Variants in WASF1 observed in about 807,000 individuals in gnomAD.
The protein encoded by WASF1 is actin-binding protein WASF1.
A neutral mutation model predicts 50.5 loss-of-function variants in WASF1; 7 were observed. The observed-to-expected ratio is 0.14, with a 90% confidence interval of 0.08 to 0.26. WASF1 has a LOEUF of 0.26. WASF1 is among the 10% of genes least tolerant of loss of function. The probability of loss-of-function intolerance (pLI) is 1.00; values close to 1 mark genes in which losing one functional copy is unlikely to be tolerated. For synonymous variants in WASF1, 205 were observed against 244.0 expected (o/e 0.84, Z 1.49); for missense variants, 470 against 694.7 (o/e 0.68, Z 3.64).
chr6:110,168,571 A>G (rs1341113038), intron 2 of WASF1, among the ~76,000 whole-genome samples: 1 of 152,046 alleles, frequency 6.6e-6, no homozygotes, highest in Non-Finnish European at 1.5e-5. Context: ...CAAGATTCCC[A>G]CTTCAAATGA....
chr6:110,141,783 T>A (rs1583988496), intron 3 of WASF1, among the ~76,000 whole-genome samples: 1 of 152,074 alleles, frequency 6.6e-6, no homozygotes, highest in East Asian at 1.9e-4. Context: ...TTTTTTTTTT[T>A]TTCTTTGAGT....
At position 110,105,337 on chromosome 6, in the gene WASF1, T is replaced by A. The variant is rs535894199; in HGVS notation, c.713+70A>T. ...TGTTCAACAGTTTAGGACTCAAGAC[T>A]TAGAAGTACAGATACTACAAATAAA... On this transcript the variant is annotated intron_variant, in intron 8 of 10. Transcript: ENST00000392589. 1.2e-3 allele frequency: 1,707 copies of A among 1,449,484 alleles called. 1 individual carries two copies. Among genetic ancestry groups the A allele is most frequent in the Non-Finnish European group, 1.5e-3 (1,594 of 1,088,016 alleles). 89.8% of individuals were successfully genotyped at this position (1,449,484 alleles called of 1,614,324 possible).
intron 3 of WASF1, among the ~76,000 whole-genome samples, chr6:110,147,290 G>C (rs1425790744): frequency 2.0e-5 from 3 of 150,224 alleles, no homozygotes; most frequent in Non-Finnish European, 4.4e-5. Context: ...AGCTTGCAGT[G>C]AGCCGAGATC....
intron 4 of WASF1, among the ~76,000 whole-genome samples, chr6:110,121,699 A>T (rs191529284): frequency 1.1e-4 from 17 of 152,368 alleles, no homozygotes; most frequent in African/African-American, 3.8e-4. Flanking sequence ...TACCCAAAGG[A>T]TTATAAATCA....
chr6:110,162,317 T>C (rs1402756359), intron 2 of WASF1, among the ~76,000 whole-genome samples: 1 of 150,846 alleles, frequency 6.6e-6, no homozygotes, highest in African/African-American at 2.4e-5. Context: ...ACAAGCAAGA[T>C]ATAAATTAAG....
chr6:110,132,044 C>G (rs985332564), intron 3 of WASF1, among the ~76,000 whole-genome samples: 2 of 152,088 alleles, frequency 1.3e-5, no homozygotes, highest in African/African-American at 4.8e-5. Context: ...ATACATTGCT[C>G]CAACTACTTC....
intron 3 of WASF1, among the ~76,000 whole-genome samples, chr6:110,134,195 G>A (rs1774835096): frequency 6.6e-6 from 1 of 152,032 alleles, no homozygotes; most frequent in Non-Finnish European, 1.5e-5. Flanking sequence ...TGGGATTACA[G>A]GTGTATGCCA....
chr6:110,132,389 A>G (rs560651748), intron 3 of WASF1, among the ~76,000 whole-genome samples: 2 of 151,866 alleles, frequency 1.3e-5, no homozygotes, highest in Admixed American at 6.6e-5. Context: ...TACGTATTTC[A>G]TATACATAAG....
intron 2 of WASF1, among the ~76,000 whole-genome samples, chr6:110,172,809 G>C (rs921166215): frequency 6.6e-6 from 1 of 151,958 alleles, no homozygotes; most frequent in Non-Finnish European, 1.5e-5. Flanking sequence ...GTGGGTGAGG[G>C]GTGAGAAATT....
intron 2 of WASF1, among the ~76,000 whole-genome samples, chr6:110,162,336 C>G (rs188789835): frequency 1.3e-5 from 2 of 150,518 alleles, no homozygotes; most frequent in Non-Finnish European, 1.5e-5. Flanking sequence ...AGATTTGTCA[C>G]GCAGACAACG....
chr6:110,121,733 A>T lies in WASF1; in HGVS notation c.133+5736T>A, dbSNP rs184226022. On this transcript the variant is annotated intron_variant, in intron 4 of 10. Transcript: ENST00000392589. ...CATGCTACTATAAAGACAAATGCAC[A>T]TGTATGTTTATTGTGGCACTATTTA... is the stretch of plus-strand genomic sequence containing the variant. Among the ~76,000 whole-genome samples, 4 of 152,362 alleles carry T rather than the reference A, an allele frequency of 2.6e-5. No individual in the cohort carries two copies. In the East Asian group the frequency reaches 7.7e-4, roughly 29 times the overall value.
At chr6:110,179,156 C>T (rs1234635094) in intron 1 of WASF1, among the ~76,000 whole-genome samples, 1 of 152,150 alleles carries the variant, frequency 6.6e-6, no homozygotes, top group Non-Finnish European at 1.5e-5. Flanking sequence ...AGGTGACACC[C>T]ACAGTCTCTC....
At chr6:110,122,656 AT>A (rs1198725554) in intron 4 of WASF1, among the ~76,000 whole-genome samples, 2 of 152,066 alleles carry the variant, frequency 1.3e-5, no homozygotes, top group Non-Finnish European at 2.9e-5. Flanking sequence ...CAGTAAGTAT[AT>A]TTTTTCTTAT....
chr6:110,153,527 C>T (rs1775917596), intron 3 of WASF1, among the ~76,000 whole-genome samples: 1 of 152,128 alleles, frequency 6.6e-6, no homozygotes. Flanking sequence ...CCAAACTTGG[C>T]ATTGTCAACC....
intron 2 of WASF1, among the ~76,000 whole-genome samples, chr6:110,162,876 A>AT (rs1776317936): frequency 2.6e-5 from 4 of 151,766 alleles, no homozygotes; most frequent in Non-Finnish European, 4.4e-5. Flanking sequence ...CTCTTACAAT[A>AT]TCACACCGAA....
chr6:110,138,475 C>T (rs1049066507), intron 3 of WASF1, among the ~76,000 whole-genome samples: 2 of 152,206 alleles, frequency 1.3e-5, no homozygotes, highest in African/African-American at 2.4e-5. Flanking sequence ...CAGCAGGTCC[C>T]GAGTTCTTGT....
In WASF1 at chr6:110,133,778, T is replaced by C. The variant is rs545971982; in HGVS notation, c.-28-6149A>G. Among the ~76,000 whole-genome samples the C allele has an allele frequency of 2.6e-5, 4 of 152,304 alleles. No individual in the cohort carries two copies. In the East Asian group the frequency reaches 5.8e-4, roughly 22 times the overall value. On this transcript the variant is annotated intron_variant, in intron 3 of 10. Coordinates refer to ENST00000392589, the MANE Select transcript of WASF1 (RefSeq NM_003931.3). ...ATTGTAGATTCTGAATATTAATCCA[T>C]TGTCAGATGTACAGAGTGTGAAGAT...
intron 2 of WASF1, among the ~76,000 whole-genome samples, chr6:110,165,612 T>G (rs529565583): frequency 6.6e-6 from 1 of 151,918 alleles, no homozygotes; most frequent in South Asian, 2.1e-4. Context: ...ATAAACATGA[T>G]CATTTAAGAA....
intron 2 of WASF1, among the ~76,000 whole-genome samples, chr6:110,164,097 A>G (rs1370418889): frequency 6.6e-6 from 1 of 151,706 alleles, no homozygotes; most frequent in Non-Finnish European, 1.5e-5. Flanking sequence ...CCAAAACTAT[A>G]AAACTCCTAG....
Sources: gnomAD v4.1 joint callset for allele counts (sites outside exome capture counted in the v4.1 genomes callset) on GRCh38, gnomAD v4.1.1 for gene constraint, MANE v1.5 for transcripts, NCBI Gene and HGNC (gene_info 2026-07-23, HGNC 2026-07-21) for gene names.